The following TMEM108 variants were observed in gnomAD, a reference collection of about 807,000 sequenced individuals.
TMEM108 encodes the protein transmembrane protein 108, also known as cancer/testis antigen 124.
A neutral mutation model predicts 35.1 loss-of-function variants in TMEM108; 12 were observed. The ratio of observed to expected loss-of-function variants is 0.34; its 90% CI spans 0.22 to 0.55. The LOEUF is 0.55. Among genes scored for constraint, TMEM108 ranks in the 20% least tolerant of loss-of-function variants. The pLI is 0.89. For missense variants in TMEM108, 680 were observed against 753.3 expected (o/e 0.90, Z 1.14); for synonymous variants, 287 against 308.6 (o/e 0.93, Z 0.73).
intron 3 of TMEM108, among the ~76,000 whole-genome samples, chr3:133,312,626 A>G (rs1356668884): frequency 3.3e-5 from 5 of 152,248 alleles, no homozygotes; most frequent in African/African-American, 7.2e-5. Context: ...TTCCAGGTAC[A>G]GTCTGTCACA....
At chr3:133,389,240 A>ATTC in intron 4 of TMEM108, 1 of 985,490 alleles carries the variant, frequency 1.0e-6, no homozygotes, top group South Asian at 4.7e-5. Flanking sequence ...TCGAGACATA[A>ATTC]TTCTTCCTCC....
intron 3 of TMEM108, among the ~76,000 whole-genome samples, chr3:133,364,562 G>T (rs2072448255): frequency 6.6e-6 from 1 of 152,148 alleles, no homozygotes; most frequent in Admixed American, 6.5e-5. Context: ...AGAATAAAAG[G>T]CTTATATACC....
intron 2 of TMEM108, among the ~76,000 whole-genome samples, chr3:133,051,454 C>T (rs1382784264): frequency 6.6e-6 from 1 of 152,032 alleles, no homozygotes; most frequent in Non-Finnish European, 1.5e-5. Context: ...TTTTCCCAAT[C>T]TGTGGATTGT....
chr3:133,073,510 C>CTCCATATATATATA, intron 2 of TMEM108, among the ~76,000 whole-genome samples: 8 of 43,920 alleles, frequency 1.8e-4, no homozygotes, highest in African/African-American at 8.3e-4. Flanking sequence ...CTCTCTCTCT[C>CTCCATATATATATA]TATATATATA....
chr3:133,231,268 A>AT, intron 3 of TMEM108, among the ~76,000 whole-genome samples: 2 of 152,338 alleles, frequency 1.3e-5, no homozygotes, highest in South Asian at 4.1e-4. Flanking sequence ...AAAAATCATG[A>AT]TTGAGTATTC....
At chr3:133,286,288 G>A (rs1336224328) in intron 3 of TMEM108, among the ~76,000 whole-genome samples, 1 of 152,118 alleles carries the variant, frequency 6.6e-6, no homozygotes, top group Non-Finnish European at 1.5e-5. Flanking sequence ...GGGAGAAGCA[G>A]CAAAGAATCT....
At chr3:133,294,688 A>G (rs543083082) in intron 3 of TMEM108, among the ~76,000 whole-genome samples, 23 of 152,338 alleles carry the variant, frequency 1.5e-4, no homozygotes, top group African/African-American at 5.5e-4. Flanking sequence ...AATTAAAACT[A>G]AATGCACATT....
chr3:133,377,462 A>G (rs1349820608), intron 3 of TMEM108, among the ~76,000 whole-genome samples: 4 of 152,202 alleles, frequency 2.6e-5, no homozygotes, highest in Non-Finnish European at 5.9e-5. Context: ...CTCCTTCTGC[A>G]TCATTGATAG....
intron 5 of TMEM108, among the ~76,000 whole-genome samples, chr3:133,394,605 A>G (rs1037767835): frequency 2.6e-5 from 4 of 152,250 alleles, no homozygotes; most frequent in Admixed American, 6.5e-5. Context: ...TGACAAGCCA[A>G]GCTCAGCCTC....
At chr3:133,378,598 C>T (rs559336460) in intron 3 of TMEM108, 16 of 957,688 alleles carry the variant, frequency 1.7e-5, no homozygotes, top group Admixed American at 6.2e-5. Flanking sequence ...CTTCCTCAGC[C>T]GTAGAGACAG....
chr3:133,076,250 G>T (rs1485365958), intron 2 of TMEM108, among the ~76,000 whole-genome samples: 2 of 150,646 alleles, frequency 1.3e-5, no homozygotes, highest in African/African-American at 5.0e-5. Context: ...AGTAGGTCGT[G>T]ACCCTAATAA....
intron 3 of TMEM108, among the ~76,000 whole-genome samples, chr3:133,352,655 G>A (rs2072038927): frequency 6.6e-6 from 1 of 152,156 alleles, no homozygotes; most frequent in East Asian, 1.9e-4. Flanking sequence ...TGCTTTATTA[G>A]AAAAGAATAC....
chr3:133,187,102 A>G (rs114704655), intron 2 of TMEM108, among the ~76,000 whole-genome samples: 2,614 of 152,288 alleles, frequency 0.017, 97 homozygotes, highest in African/African-American at 0.059. Context: ...TTTTGAGTCC[A>G]CATGCTTATG....
chr3:133,224,460 T>C (rs1946038221), intron 2 of TMEM108, among the ~76,000 whole-genome samples: 2 of 152,152 alleles, frequency 1.3e-5, no homozygotes, highest in South Asian at 2.1e-4. Context: ...CACCCAAATC[T>C]CATCTTAAAT....
At chr3:133,124,793 T>C (rs1432304419) in intron 2 of TMEM108, 1 of 152,218 alleles carries the variant, frequency 6.6e-6, no homozygotes, top group Non-Finnish European at 1.5e-5. Flanking sequence ...GCCATAGGAA[T>C]GTTTCCCTGA....
chr3:133,127,604 A>G (rs777870751), intron 2 of TMEM108, among the ~76,000 whole-genome samples: 7 of 152,164 alleles, frequency 4.6e-5, no homozygotes, highest in East Asian at 3.9e-4. Context: ...TGTCTCCCCA[A>G]TAGATAAAAT....
chr3:133,374,794 T>G (rs779164753), intron 3 of TMEM108, among the ~76,000 whole-genome samples: 2 of 151,666 alleles, frequency 1.3e-5, no homozygotes, highest in South Asian at 2.1e-4. Flanking sequence ...GGAATAGAGA[T>G]AGAAAAAAAA....
intron 3 of TMEM108, among the ~76,000 whole-genome samples, chr3:133,251,359 G>T (rs1487468394): frequency 6.6e-6 from 1 of 152,136 alleles, no homozygotes; most frequent in Non-Finnish European, 1.5e-5. Context: ...AAAAGACACT[G>T]CAGAGGTTAT....
intron 3 of TMEM108, among the ~76,000 whole-genome samples, chr3:133,350,139 G>T (rs1298402703): frequency 6.6e-6 from 1 of 152,058 alleles, no homozygotes; most frequent in Non-Finnish European, 1.5e-5. Flanking sequence ...GGATCAGCTT[G>T]GAGGACATTA....
Sources: allele counts gnomAD v4.1 joint callset (sites outside exome capture counted in the v4.1 genomes callset), GRCh38; gene constraint gnomAD v4.1.1; transcripts MANE v1.5; gene names NCBI Gene and HGNC (gene_info 2026-07-23, HGNC 2026-07-21).